BBS7: variants seen among roughly 807,000 people sequenced by gnomAD.
BBS7 encodes the protein Bardet-Biedl syndrome 7.
Under a neutral mutation model 90.3 loss-of-function variants are expected in BBS7, and 50 were observed. The observed-to-expected ratio is 0.55, with a 90% CI of 0.44 to 0.70. The LOEUF is 0.70. BBS7 is among the 30% of genes least tolerant of loss of function. The probability of loss-of-function intolerance (pLI) is 0.00; values close to 1 mark genes in which losing one functional copy is unlikely to be tolerated. For missense variants in BBS7, 729 were observed against 838.9 expected, an observed-to-expected ratio of 0.87 and a Z score of 1.62; for synonymous variants, 235 against 287.4, an observed-to-expected ratio of 0.82 and a Z score of 1.85.
chr4:121,835,090 T>C, intron 14 of BBS7, 54 bp downstream of exon 14: 6 of 1,577,542 alleles, frequency 3.8e-6, no homozygotes, highest in Non-Finnish European at 5.2e-6. Flanking sequence ...AAAAAACAGG[T>C]CTATTTGAAT....
At chr4:121,867,412 T>C (rs1049212460) in intron 2 of BBS7, among the ~76,000 whole-genome samples, 1 of 152,176 alleles carries the variant, frequency 6.6e-6, no homozygotes, top group African/African-American at 2.4e-5. Context: ...ACTTTATTTC[T>C]TTTTCTTGTA....
At chr4:121,827,487 T>C (rs1026726619) in intron 18 of BBS7, among the ~76,000 whole-genome samples, 1 of 152,242 alleles carries the variant, frequency 6.6e-6, no homozygotes, top group Non-Finnish European at 1.5e-5. Context: ...ACCACCTACC[T>C]TGCAGAGCTA....
chr4:121,853,065 A>G lies in BBS7; in HGVS notation c.740T>C (p.Phe247Ser). ...KRGGILCIDSFDIVGDGVKDL... is the reference protein window; with the variant it reads ...KRGGILCIDSSDIVGDGVKDL... ...TTTAACCCCATCACCCACAATGTCA[A>G]AGCTGTCAATACACAAAATACCTTT... Residue 247 changes from phenylalanine to serine, a missense_variant, in exon 8 of 19, where the codon TTT becomes TCT. Phe to Ser is a radical substitution (Grantham distance 155). Coordinates refer to ENST00000264499, the MANE Select transcript of BBS7 (RefSeq NM_176824.3). 1 of 1,613,588 alleles carries G rather than the reference A, an allele frequency of 6.2e-7. No individual in the cohort carries two copies. Among genetic ancestry groups the G allele is most frequent in the Non-Finnish European group, 8.5e-7 (1 of 1,179,572 alleles).
chr4:121,868,189 T>C, intron 1 of BBS7, 143 bp from the exon 2 acceptor site: 1 of 746,578 alleles, frequency 1.3e-6, no homozygotes, highest in Non-Finnish European at 2.4e-6. Context: ...ATGAGATATG[T>C]CATATTAGTC....
Position 121,854,785 on chromosome 4 carries a change from C to T in BBS7, c.637G>A (p.Asp213Asn). Residue 213 changes from aspartate (D) to asparagine (N), a missense_variant, in exon 7 of 19, where the codon GAC becomes AAC. By Grantham distance (23) the Asp-to-Asn change is conservative. Transcript: ENST00000264499. The part of the protein sequence containing the change: ...SGEDLLFGTS[D>N]GKLALIQITT... Reference sequence around the variant, plus strand: ...ATCTGTATAAGCGCAAGTTTTCCGTCTGATGTCCCAAACAAAAGGTCTTCT... The same window carrying T: ...ATCTGTATAAGCGCAAGTTTTCCGTTTGATGTCCCAAACAAAAGGTCTTCT... The T allele has an allele frequency of 6.2e-7, 1 of 1,612,704 alleles. No homozygotes were observed. Among genetic ancestry groups the T allele is most frequent in the Non-Finnish European group, 8.5e-7 (1 of 1,179,144 alleles).
At chr4:121,847,340 TA>T in intron 10 of BBS7, 63 bp downstream of exon 10, 1 of 1,080,512 alleles carries the variant, frequency 9.3e-7, no homozygotes, top group Non-Finnish European at 1.4e-6. Flanking sequence ...CTATAAGTAA[TA>T]AAAAGCAACA....
intron 4 of BBS7, among the ~76,000 whole-genome samples, chr4:121,860,419 T>C: frequency 6.6e-6 from 1 of 152,090 alleles, no homozygotes. Context: ...CTTACAAATG[T>C]GGGGATTCAG....
chr4:121,847,963 G>C (rs976070960), intron 9 of BBS7, among the ~76,000 whole-genome samples: 1 of 151,778 alleles, frequency 6.6e-6, no homozygotes, highest in Non-Finnish European at 1.5e-5. Context: ...CAAAAAAAAA[G>C]TTTTTATAAG....
At chr4:121,855,239 T>C (rs1452055587) in intron 6 of BBS7, among the ~76,000 whole-genome samples, 1 of 151,792 alleles carries the variant, frequency 6.6e-6, no homozygotes, top group Non-Finnish European at 1.5e-5. Flanking sequence ...GCCTGGGAGG[T>C]CGAGGCCGTG....
At chr4:121,829,429 G>A (rs1016868718) in intron 15 of BBS7, among the ~76,000 whole-genome samples, 6 of 152,034 alleles carry the variant, frequency 3.9e-5, no homozygotes, top group Non-Finnish European at 7.4e-5. Flanking sequence ...TAGAGATGGG[G>A]GTCTCACCAT....
intron 18 of BBS7, among the ~76,000 whole-genome samples, chr4:121,826,755 G>A (rs1194680031): frequency 2.6e-5 from 4 of 152,158 alleles, no homozygotes; most frequent in Non-Finnish European, 5.9e-5. Context: ...AGGCTGAGGT[G>A]GGCAGATCAC....
chr4:121,869,693 C>G (rs1293434948), intron 1 of BBS7, among the ~76,000 whole-genome samples: 3 of 151,974 alleles, frequency 2.0e-5, no homozygotes, highest in African/African-American at 7.3e-5. Context: ...CGCCCGCCAC[C>G]ACACCGGGCT....
chr4:121,859,268 T>C (rs1726850687), intron 4 of BBS7, 90 bp from the exon 5 acceptor site: 4 of 1,113,726 alleles, frequency 3.6e-6, no homozygotes, highest in Admixed American at 1.8e-5. Flanking sequence ...TACAGTTTAC[T>C]AACATTTTAT....
intron 14 of BBS7, among the ~76,000 whole-genome samples, chr4:121,834,797 T>C (rs1234307910): frequency 6.6e-6 from 1 of 152,132 alleles, no homozygotes; most frequent in Admixed American, 6.6e-5. Flanking sequence ...GGAAATATAA[T>C]ATTTGAGGCT....
intron 4 of BBS7, among the ~76,000 whole-genome samples, chr4:121,860,187 T>C (rs1247981661): frequency 1.3e-5 from 2 of 152,100 alleles, no homozygotes; most frequent in Non-Finnish European, 2.9e-5. Flanking sequence ...ATCAATTTCA[T>C]GAAATTCTCT....
Position 121,861,679 on chromosome 4 carries a change from C to G in BBS7, c.166G>C (p.Ala56Pro). ...CFGMKKGEAA[A>P]VFKTLPGPKI... ...GGCCCGGGTAAAGTCTTGAACACTG[C>G]CTGAAAAAAATCATTCAGGAAAAAA... Residue 56 changes from alanine (A) to proline (P), a missense_variant and splice_region_variant, in exon 4 of 19, where the codon GCA becomes CCA. Coordinates refer to ENST00000264499, the MANE Select transcript of BBS7 (RefSeq NM_176824.3). The G allele has an allele frequency of 6.2e-7, 1 of 1,613,018 alleles. No individual in the cohort carries two copies. The highest frequency in any genetic ancestry group is 2.2e-5 in the East Asian group (1 of 44,834).
intron 11 of BBS7, 59 bp from the exon 12 acceptor site, chr4:121,844,060 A>G (rs1228579022): frequency 9.2e-7 from 1 of 1,089,968 alleles, no homozygotes; most frequent in Non-Finnish European, 1.4e-6. Flanking sequence ...ATGTTCATAA[A>G]TTATGTTTTC....
Position 121,853,030 on chromosome 4 carries a change from C to G in BBS7, c.775G>C (p.Val259Leu), listed in dbSNP as rs1395330140. 6.2e-7 allele frequency: 1 copy of G among 1,613,720 alleles called. No homozygotes were observed. Among genetic ancestry groups the G allele is most frequent in the African/African-American group, 1.3e-5 (1 of 74,908 alleles). ...IVGDGVKDLL[V>L]GRDDGMVEVY... ...TCCACCATTCCGTCATCTCTCCCAA[C>G]AAGTAAATCTTTAACCCCATCACCC... Residue 259 changes from valine (V) to leucine (L), a missense_variant, in exon 8 of 19, where the codon GTT (valine) becomes CTT (leucine). Transcript: ENST00000264499.
At chr4:121,829,342 C>T (rs901162796) in intron 15 of BBS7, among the ~76,000 whole-genome samples, 2 of 151,234 alleles carry the variant, frequency 1.3e-5, no homozygotes, top group African/African-American at 2.4e-5. Context: ...TCAAGCGATT[C>T]TCCTGCCTCA....
Sources: allele counts gnomAD v4.1 joint callset (sites outside exome capture counted in the v4.1 genomes callset), GRCh38; gene constraint gnomAD v4.1.1; transcripts MANE v1.5; gene names NCBI Gene and HGNC (gene_info 2026-07-23, HGNC 2026-07-21).